The following KIAA0586 variants were observed in gnomAD, a reference collection of about 807,000 sequenced individuals.
The protein encoded by KIAA0586 is KIAA0586, also known as protein TALPID3.
Under a neutral mutation model 169.8 loss-of-function variants are expected in KIAA0586, and 144 were observed. The ratio of observed to expected loss-of-function variants is 0.85; its 90% CI spans 0.74 to 0.97. The LOEUF (loss-of-function observed/expected upper bound fraction) is 0.97. Ranked by LOEUF, KIAA0586 falls within the 50% of genes least tolerant of loss-of-function variation. The probability of loss-of-function intolerance (pLI) is 0.00; values close to 1 mark genes in which losing one functional copy is unlikely to be tolerated. For missense variants in KIAA0586, 1,854 were observed against 1,823.0 expected, an observed-to-expected ratio of 1.02 and a Z score of -0.31; for synonymous variants, 625 against 612.4, an observed-to-expected ratio of 1.02 and a Z score of -0.30.
intron 14 of KIAA0586, among the ~76,000 whole-genome samples, chr14:58,465,541 T>G (rs986817819): frequency 6.6e-6 from 1 of 152,202 alleles, no homozygotes; most frequent in African/African-American, 2.4e-5. Flanking sequence ...TTATAAAGTT[T>G]CATTTGCCTC....
chr14:58,559,275 G>T, the KIAA0586 span, among the ~76,000 whole-genome samples: 1 of 152,170 alleles, frequency 6.6e-6, no homozygotes, highest in East Asian at 1.9e-4. Context: ...TTCTTTATGC[G>T]ATTTTTCTGC....
chr14:58,470,784 T>C lies in KIAA0586; in HGVS notation c.2553+61T>C. The C allele has an allele frequency of 3.9e-6, 3 of 769,462 alleles. No individual in the cohort carries two copies. In the South Asian group the frequency reaches 4.5e-5, roughly 12 times the overall value. 47.7% of individuals were successfully genotyped at this position (769,462 alleles called of 1,614,324 possible). A position where few individuals can be genotyped will look rare whatever the true frequency, so the allele number is the denominator to read the frequency against. ...ATGTCTGACTGTAGATTTTAACTAA[T>C]TACTCCATTTAAAGCCTTTTATCAT... On this transcript the variant is annotated intron_variant, in intron 17 of 30. Transcript: ENST00000652326.
At chr14:58,427,638 G>T, upstream of KIAA0586, 2 of 1,535,672 alleles carry the variant, frequency 1.3e-6, no homozygotes, top group Non-Finnish European at 1.7e-6. Context: ...GATGTTTTGG[G>T]TGAGTTTCTT....
intron 14 of KIAA0586, chr14:58,464,029 G>T: frequency 2.2e-6 from 1 of 448,290 alleles, no homozygotes; most frequent in South Asian, 1.7e-5. Flanking sequence ...TTCAGACTAT[G>T]ACCAGATAAT....
At chr14:58,521,709 A>C (rs1314025526) in intron 29 of KIAA0586, 1 of 871,018 alleles carries the variant, frequency 1.1e-6, no homozygotes, top group African/African-American at 1.7e-5. Context: ...TCTCTCTTAG[A>C]AAACCTAGAA....
At position 58,508,710 on chromosome 14, in the gene KIAA0586, G is replaced by T; in HGVS notation, c.4323+1G>T. 2 of 1,577,424 alleles carry T rather than the reference G, an allele frequency of 1.3e-6. No homozygotes were observed. The highest frequency in any genetic ancestry group is 1.7e-6 in the Non-Finnish European group (2 of 1,159,664). ...AGTAGCCGCTGAAGATTTTTCCCAG[G>T]TACCAAATTAATAGCACTTGTATTT... is the stretch of plus-strand genomic sequence containing the variant. On this transcript the variant is annotated splice_donor_variant, in intron 28 of 30. Transcript: ENST00000652326. LOFTEE classifies it high-confidence loss of function.
At chr14:58,544,615 A>C (rs1566965934) in intron 30 of KIAA0586, among the ~76,000 whole-genome samples, 1 of 152,192 alleles carries the variant, frequency 6.6e-6, no homozygotes, top group Non-Finnish European at 1.5e-5. Flanking sequence ...TTCTCTAATG[A>C]GCAGTGATAT....
At chr14:58,470,857 A>T (rs1302365250) in intron 17 of KIAA0586, 134 bp downstream of exon 17, 39 of 414,388 alleles carry the variant, frequency 9.4e-5, no homozygotes, top group Middle Eastern at 5.2e-4. Flanking sequence ...ATTGAAAACA[A>T]TTTTTTTTTT....
At chr14:58,551,811 A>T (rs1325766431), downstream of KIAA0586, among the ~76,000 whole-genome samples, 3 of 152,208 alleles carry the variant, frequency 2.0e-5, no homozygotes, top group Non-Finnish European at 4.4e-5. Flanking sequence ...TTATCTTTTA[A>T]AAGATGTCCT....
At chr14:58,458,658 A>AT in intron 12 of KIAA0586, 113 bp downstream of exon 12, 1 of 585,428 alleles carries the variant, frequency 1.7e-6, no homozygotes, top group Non-Finnish European at 2.9e-6. Flanking sequence ...AAATCCACTT[A>AT]TTTTTAATTT....
chr14:58,427,533 A>C, upstream of KIAA0586: 2 of 1,466,388 alleles, frequency 1.4e-6, no homozygotes, highest in Middle Eastern at 1.7e-4. Flanking sequence ...TGCTACCTTA[A>C]AATAAATAAA....
chr14:58,486,946 T>C, intron 21 of KIAA0586, 61 bp from the exon 22 acceptor site: 1 of 1,375,246 alleles, frequency 7.3e-7, no homozygotes, highest in South Asian at 1.4e-5. Flanking sequence ...TTCATATTAT[T>C]TTCAAATTAC....
the KIAA0586 span, among the ~76,000 whole-genome samples, chr14:58,559,423 C>T: frequency 1.3e-5 from 2 of 152,334 alleles, no homozygotes; most frequent in South Asian, 4.1e-4. Flanking sequence ...ATCTCACCAA[C>T]TGTGTTCCTC....
chr14:58,521,441 C>G (rs1418406278), intron 29 of KIAA0586: 5 of 768,238 alleles, frequency 6.5e-6, no homozygotes, highest in Non-Finnish European at 4.7e-6. Flanking sequence ...ATGTACAGCT[C>G]CTCTTTTGAC....
intron 20 of KIAA0586, among the ~76,000 whole-genome samples, chr14:58,480,490 G>A (rs2041958260): frequency 6.6e-6 from 1 of 151,726 alleles, no homozygotes; most frequent in African/African-American, 2.4e-5. Flanking sequence ...GTTATCCTGT[G>A]TCAGTTGATG....
the KIAA0586 span, among the ~76,000 whole-genome samples, chr14:58,556,933 C>T: frequency 1.3e-5 from 2 of 152,064 alleles, no homozygotes; most frequent in East Asian, 3.9e-4. Context: ...TTAGTAGAGA[C>T]GGGGTTTCTC....
intron 18 of KIAA0586, among the ~76,000 whole-genome samples, chr14:58,473,764 G>A (rs1293372553): frequency 2.0e-5 from 3 of 152,244 alleles, no homozygotes; most frequent in Admixed American, 1.3e-4. Context: ...AAATTAGCTA[G>A]GCATAGTGGT....
chr14:58,443,570 C>T (rs1003239306), intron 5 of KIAA0586, among the ~76,000 whole-genome samples: 27 of 152,078 alleles, frequency 1.8e-4, no homozygotes, highest in Non-Finnish European at 1.8e-4. Flanking sequence ...CTACAGGCCG[C>T]ACGCCACCAT....
In KIAA0586 at chr14:58,457,953, G is replaced by A. The variant is rs527483829; in HGVS notation, c.1557G>A (p.Ser519=). The change falls in exon 11 of 31, where the codon TCG becomes TCA. Residue 519 remains serine, a synonymous_variant. Transcript: ENST00000652326. ...CAAAAGATGGAGCTGCCATGTATTC[G>A]CTTATCAATGCTTTATCTACCAACA... ...IRAKDGAAMY[S]LINALSTNRE... The A allele has an allele frequency of 1.1e-5, 17 of 1,593,778 alleles. No individual in the cohort carries two copies. Among genetic ancestry groups the A allele is most frequent in the Admixed American group, 5.3e-5 (3 of 56,998 alleles).
Sources: gnomAD v4.1 joint callset for allele counts (sites outside exome capture counted in the v4.1 genomes callset) on GRCh38, gnomAD v4.1.1 for gene constraint, MANE v1.5 for transcripts, NCBI Gene and HGNC (gene_info 2026-07-23, HGNC 2026-07-21) for gene names.